Variants in CTNNA2 observed in about 807,000 individuals in gnomAD.
CTNNA2 encodes the protein catenin alpha-2.
CTNNA2 carries 42 observed loss-of-function variants against 101.0 expected under a neutral mutation model. The observed-to-expected ratio is 0.42, with a 90% confidence interval of 0.32 to 0.54. The LOEUF (loss-of-function observed/expected upper bound fraction) is 0.54, where lower values mean the gene tolerates loss of function less well. Ranked by LOEUF, CTNNA2 falls within the 20% of genes least tolerant of loss-of-function variation. CTNNA2 has a pLI of 0.14. For synonymous variants in CTNNA2, 450 were observed against 456.4 expected (o/e 0.99, Z 0.18); for missense variants, 871 against 1,223.1 (o/e 0.71, Z 4.29).
At chr2:80,107,324 G>A (rs78847298) in intron 7 of CTNNA2, among the ~76,000 whole-genome samples, 141 of 152,270 alleles carry the variant, frequency 9.3e-4, no homozygotes, top group African/African-American at 3.1e-3. Flanking sequence ...TCAGTAGAGA[G>A]AGAAACAGCT....
Position 79,186,735 on chromosome 2 carries a change from G to A in CTNNA2, c.-524+1304G>A, listed in dbSNP as rs371050125. On this transcript the variant is annotated intron_variant, in intron 1 of 21. Transcript: ENST00000466387. ...TACGCCAGTTTCTTCTACTTCTCCC[G>A]TTGTCATAGCCTAAAATACAGTGGC... Among the ~76,000 whole-genome samples, 17 of 152,170 alleles carry A rather than the reference G, an allele frequency of 1.1e-4. No homozygotes were observed. In the South Asian group the frequency reaches 1.2e-3, roughly 11 times the overall value.
At chr2:80,374,280 T>A (rs1402877717) in intron 7 of CTNNA2, among the ~76,000 whole-genome samples, 1 of 152,114 alleles carries the variant, frequency 6.6e-6, no homozygotes, top group African/African-American at 2.4e-5. Flanking sequence ...GTACCAATGT[T>A]TAACTCTCAC....
intron 4 of CTNNA2, among the ~76,000 whole-genome samples, chr2:79,402,831 C>T (rs1678304426): frequency 6.6e-6 from 1 of 151,614 alleles, no homozygotes; most frequent in Non-Finnish European, 1.5e-5. Flanking sequence ...TCACAAAATT[C>T]ACAAACATAT....
In CTNNA2 at chr2:79,581,494, C is replaced by T. The variant is rs368651142; in HGVS notation, c.-6+68287C>T. ...GAACCAAGATGGTACCACTGTACTCCGGCCTGGAGGACAGAGGAAGACTCT... is the reference window on the plus strand; with the variant it reads ...GAACCAAGATGGTACCACTGTACTCTGGCCTGGAGGACAGAGGAAGACTCT... On this transcript the variant is annotated intron_variant, in intron 1 of 18. Transcript: ENST00000402739. 6.6e-5 allele frequency among the ~76,000 whole-genome samples: 10 copies of T among 151,962 alleles called. No homozygotes were observed. In the East Asian group the frequency reaches 1.4e-3, roughly 21 times the overall value.
chr2:79,196,364 C>A (rs1030298002), intron 1 of CTNNA2, among the ~76,000 whole-genome samples: 3 of 152,132 alleles, frequency 2.0e-5, no homozygotes, highest in African/African-American at 7.2e-5. Context: ...TCACCCCAAC[C>A]TGCCATTGAA....
intron 3 of CTNNA2, among the ~76,000 whole-genome samples, chr2:79,816,540 A>G (rs2105360080): frequency 6.6e-6 from 1 of 152,294 alleles, no homozygotes; most frequent in South Asian, 2.1e-4. Flanking sequence ...AAGATACAAG[A>G]AGAGCAGGAG....
intron 2 of CTNNA2, among the ~76,000 whole-genome samples, chr2:79,203,709 A>G (rs1324928187): frequency 1.3e-5 from 2 of 152,250 alleles, no homozygotes; most frequent in Non-Finnish European, 2.9e-5. Context: ...TCAAGTCTTC[A>G]GGGCCGCCTT....
chr2:80,640,272 G>A (rs1180290165), intron 18 of CTNNA2, among the ~76,000 whole-genome samples: 3 of 152,116 alleles, frequency 2.0e-5, no homozygotes, highest in African/African-American at 7.2e-5. Context: ...GCTCTTGGGA[G>A]GTAAATAAGT....
intron 7 of CTNNA2, among the ~76,000 whole-genome samples, chr2:79,919,611 A>G (rs1489468940): frequency 1.3e-5 from 2 of 152,200 alleles, no homozygotes; most frequent in Admixed American, 1.3e-4. Flanking sequence ...GGCTTCTGGT[A>G]TTTCAAAGAA....
chr2:80,314,519 A>G (rs1465294556), intron 7 of CTNNA2, among the ~76,000 whole-genome samples: 1 of 152,162 alleles, frequency 6.6e-6, no homozygotes, highest in Admixed American at 6.5e-5. Context: ...AGGGATGGCC[A>G]TGGGACTGTC....
intron 9 of CTNNA2, among the ~76,000 whole-genome samples, chr2:80,447,941 T>C (rs576945596): frequency 5.9e-5 from 9 of 152,326 alleles, no homozygotes; most frequent in African/African-American, 1.7e-4. Context: ...CCTTACCTTT[T>C]TGAAAGAAGA....
intron 7 of CTNNA2, among the ~76,000 whole-genome samples, chr2:80,000,876 C>A (rs1692901202): frequency 6.6e-6 from 1 of 152,148 alleles, no homozygotes; most frequent in South Asian, 2.1e-4. Flanking sequence ...GGTGAGTGAG[C>A]AACTGATTTG....
chr2:80,487,211 G>A (rs1686661544), intron 9 of CTNNA2, among the ~76,000 whole-genome samples: 1 of 150,708 alleles, frequency 6.6e-6, no homozygotes, highest in Admixed American at 6.6e-5. Context: ...AACCCAGGAG[G>A]CAGAGGTTGC....
At chr2:79,206,584 C>T (rs17016551) in intron 2 of CTNNA2, among the ~76,000 whole-genome samples, 2,569 of 152,226 alleles carry the variant, frequency 0.017, 94 homozygotes, top group East Asian at 0.1. Context: ...ATTTATTCAT[C>T]TTCTTTGTGT....
Position 80,303,327 on chromosome 2 carries a change from T to A in CTNNA2, c.1057-89884T>A. On this transcript the variant is annotated intron_variant, in intron 7 of 18. Coordinates refer to ENST00000402739, the MANE Select transcript of CTNNA2 (RefSeq NM_001282597.3). The surrounding 1 kb of genome is among the most constrained non-coding windows in gnomAD (Gnocchi z 7.7). Reference sequence around the variant, plus strand: ...ATGGCGTTGGCCCGCATATGCAGCGTGGTGAGCTTCCGCAGCCCGTGGAAG... The same window carrying A: ...ATGGCGTTGGCCCGCATATGCAGCGAGGTGAGCTTCCGCAGCCCGTGGAAG... 6.2e-7 allele frequency: 1 copy of A among 1,613,674 alleles called. No homozygotes were observed. Among genetic ancestry groups the A allele is most frequent in the South Asian group, 1.1e-5 (1 of 91,064 alleles).
At chr2:80,553,716 C>A (rs1304087033) in intron 11 of CTNNA2, among the ~76,000 whole-genome samples, 1 of 152,134 alleles carries the variant, frequency 6.6e-6, no homozygotes, top group Non-Finnish European at 1.5e-5. Flanking sequence ...TTTCTAGTTA[C>A]TTACTCTCAA....
In CTNNA2 at chr2:80,419,464, A is replaced by T. The variant is rs1680321513; in HGVS notation, c.1153A>T (p.Met385Leu). Residue 385 changes from methionine to leucine, a missense_variant, in exon 9 of 19, where the codon ATG becomes TTG. Transcript: ENST00000402739. ...DLRRQLRKAVMDHISDSFLET... is the reference protein window; with the variant it reads ...DLRRQLRKAVLDHISDSFLET... ...TCAACTGTAGCTTCGGAAAGCAGTG[A>T]TGGATCACATATCTGACTCTTTCCT... is the stretch of plus-strand genomic sequence containing the variant. 2 of 1,610,828 alleles carry T rather than the reference A, an allele frequency of 1.2e-6. No homozygotes were observed. Among genetic ancestry groups the T allele is most frequent in the Non-Finnish European group, 1.7e-6 (2 of 1,177,646 alleles).
intron 18 of CTNNA2, among the ~76,000 whole-genome samples, chr2:80,642,361 G>A (rs897467428): frequency 6.6e-6 from 1 of 152,106 alleles, no homozygotes; most frequent in Non-Finnish European, 1.5e-5. Context: ...CTGTCATACA[G>A]TGTTAAAACC....
At chr2:79,360,481 T>A (rs1385539797) in intron 3 of CTNNA2, among the ~76,000 whole-genome samples, 1 of 152,122 alleles carries the variant, frequency 6.6e-6, no homozygotes, top group Non-Finnish European at 1.5e-5. Flanking sequence ...GAGATGAGAT[T>A]AAGATGTAAA....
Sources: allele counts gnomAD v4.1 joint callset (sites outside exome capture counted in the v4.1 genomes callset), GRCh38; gene constraint gnomAD v4.1.1; non-coding constraint Gnocchi (gnomAD v3.1); transcripts MANE v1.5; gene names NCBI Gene and HGNC (gene_info 2026-07-23, HGNC 2026-07-21).